The following CBFA2T3 variants were observed in gnomAD, a reference collection of about 807,000 sequenced individuals.
CBFA2T3 encodes CBFA2/RUNX1 partner transcriptional co-repressor 3.
In CBFA2T3, 31 loss-of-function variants were observed where a neutral mutation model predicts 58.6. The observed-to-expected ratio is 0.53, with a 90% confidence interval of 0.40 to 0.71. The LOEUF is 0.71. Ranked by LOEUF, CBFA2T3 falls within the 30% of genes least tolerant of loss-of-function variation. CBFA2T3 has a pLI of 0.00. For missense variants in CBFA2T3, 1,076 were observed against 963.1 expected (o/e 1.12, Z -1.55); for synonymous variants, 531 against 421.9 (o/e 1.26, Z -3.17).
At chr16:88,949,222 A>T (rs1360071435) in intron 1 of CBFA2T3, among the ~76,000 whole-genome samples, 1 of 152,236 alleles carries the variant, frequency 6.6e-6, no homozygotes, top group Non-Finnish European at 1.5e-5. Context: ...TGTAGGCATG[A>T]GCAACTTCCA....
chr16:88,923,669 G>T (rs982392387), intron 1 of CBFA2T3, among the ~76,000 whole-genome samples: 1 of 152,246 alleles, frequency 6.6e-6, no homozygotes. Context: ...AGGCCAAGCT[G>T]CGCATCCTCC....
rs200165662 is a variant in CBFA2T3 at position 88,950,409 on chromosome 16, T to C, written c.151+26248A>G. ...CTTCCGGGTCAGTTCACCCGTCCCCTGGACCGGCACCGGCACAGAGGGTCA... is the reference window on the plus strand; with the variant it reads ...CTTCCGGGTCAGTTCACCCGTCCCCCGGACCGGCACCGGCACAGAGGGTCA... On this transcript the variant is annotated intron_variant, in intron 1 of 11. Transcript: ENST00000268679. The C allele has an allele frequency of 1.6e-3, 693 of 425,854 alleles. 23 individuals carry two copies. The highest frequency in any genetic ancestry group is 1.7e-3 in the Non-Finnish European group (372 of 215,916). 26.4% of individuals were successfully genotyped at this position (425,854 alleles called of 1,614,324 possible).
intron 3 of CBFA2T3, among the ~76,000 whole-genome samples, chr16:88,894,496 T>G: frequency 8.5e-6 from 1 of 117,706 alleles, no homozygotes. Flanking sequence ...TGTACACACA[T>G]GCACACACAC....
At chr16:88,920,428 C>A (rs1323852447) in intron 1 of CBFA2T3, among the ~76,000 whole-genome samples, 1 of 151,364 alleles carries the variant, frequency 6.6e-6, no homozygotes, top group Non-Finnish European at 1.5e-5. Flanking sequence ...AGGTGCCCAC[C>A]ACCATACCCG....
intron 1 of CBFA2T3, among the ~76,000 whole-genome samples, chr16:88,974,225 G>A (rs188795962): frequency 1.1e-4 from 17 of 152,308 alleles, no homozygotes; most frequent in African/African-American, 3.9e-4. Context: ...GGCTTGGGGG[G>A]ACAAGGCGGT....
intron 1 of CBFA2T3, among the ~76,000 whole-genome samples, chr16:88,972,006 G>C (rs941990630): frequency 6.6e-6 from 1 of 152,206 alleles, no homozygotes; most frequent in Non-Finnish European, 1.5e-5. Flanking sequence ...CGCCCCCATG[G>C]GGCCACTTCC....
intron 5 of CBFA2T3, among the ~76,000 whole-genome samples, chr16:88,890,896 T>C (rs1969604339): frequency 6.6e-6 from 1 of 152,148 alleles, no homozygotes; most frequent in South Asian, 2.1e-4. Flanking sequence ...ATATTTTTTG[T>C]AGAGATGGGG....
At chr16:88,901,408 G>A (rs1970091988) in intron 2 of CBFA2T3, 96 bp downstream of exon 2, 5 of 610,970 alleles carry the variant, frequency 8.2e-6, no homozygotes, top group East Asian at 3.2e-5. Context: ...CACAGAAGGT[G>A]CCCGCTGGCT....
At chr16:88,921,756 G>A (rs969182517) in intron 1 of CBFA2T3, among the ~76,000 whole-genome samples, 7 of 152,362 alleles carry the variant, frequency 4.6e-5, no homozygotes, top group African/African-American at 1.2e-4. Flanking sequence ...CCGCGGTGCC[G>A]GGGGACTTGC....
At chr16:88,938,921 G>C (rs901359349) in intron 1 of CBFA2T3, 1 of 152,124 alleles carries the variant, frequency 6.6e-6, no homozygotes, top group African/African-American at 2.4e-5. Flanking sequence ...GGTTCCAGAA[G>C]CTGGCAGGGA....
chr16:88,954,365 A>C (rs1972155246), intron 1 of CBFA2T3, among the ~76,000 whole-genome samples: 1 of 139,206 alleles, frequency 7.2e-6, no homozygotes, highest in African/African-American at 3.0e-5. Flanking sequence ...GACCTCACCC[A>C]AGGCTCCTGA....
At chr16:88,904,732 C>G (rs1180322303) in intron 1 of CBFA2T3, among the ~76,000 whole-genome samples, 1 of 151,252 alleles carries the variant, frequency 6.6e-6, no homozygotes, top group Non-Finnish European at 1.5e-5. Context: ...CCGGATTGTG[C>G]GGGGGCAGCT....
intron 1 of CBFA2T3, chr16:88,937,602 C>A (rs1003194262): frequency 6.6e-6 from 1 of 152,298 alleles, no homozygotes; most frequent in African/African-American, 2.4e-5. Context: ...CGGGCTCCTG[C>A]GCTGTGAGCT....
intron 3 of CBFA2T3, 143 bp from the exon 4 acceptor site, chr16:88,892,628 T>C: frequency 1.0e-6 from 1 of 1,003,064 alleles, no homozygotes; most frequent in Admixed American, 1.8e-5. Context: ...ACAGTAGCGC[T>C]GAGGATGACA....
chr16:88,919,327 C>A (rs991641639), intron 1 of CBFA2T3, among the ~76,000 whole-genome samples: 1 of 152,178 alleles, frequency 6.6e-6, no homozygotes, highest in Admixed American at 6.5e-5. Context: ...ACCCTGGTCT[C>A]CTTCATTCGG....
chr16:88,895,011 C>G (rs548062462), intron 3 of CBFA2T3, among the ~76,000 whole-genome samples: 1 of 152,180 alleles, frequency 6.6e-6, no homozygotes, highest in African/African-American at 2.4e-5. Context: ...CTGACCTGGC[C>G]CCTGGGAGGT....
At chr16:88,959,390 C>T (rs186245205) in intron 1 of CBFA2T3, among the ~76,000 whole-genome samples, 5 of 152,192 alleles carry the variant, frequency 3.3e-5, no homozygotes, top group East Asian at 1.9e-4. Context: ...GGAGGGAACA[C>T]GCATGCACGC....
At chr16:88,974,401 C>G (rs189267454) in intron 1 of CBFA2T3, among the ~76,000 whole-genome samples, 1 of 152,146 alleles carries the variant, frequency 6.6e-6, no homozygotes, top group Non-Finnish European at 1.5e-5. Context: ...GGGGTCCCGG[C>G]CCCCAGACGG....
chr16:88,887,690 A>G (rs114236940), intron 5 of CBFA2T3, among the ~76,000 whole-genome samples: 6,058 of 152,188 alleles, frequency 0.04, 412 homozygotes, highest in African/African-American at 0.14. Flanking sequence ...TGCCTCCTTC[A>G]AGGCAGTGTC....
Sources: allele counts gnomAD v4.1 joint callset (sites outside exome capture counted in the v4.1 genomes callset), GRCh38; gene constraint gnomAD v4.1.1; transcripts MANE v1.5; gene names NCBI Gene and HGNC (gene_info 2026-07-23, HGNC 2026-07-21).